Variants in SPATA9 observed in about 807,000 individuals in gnomAD.
SPATA9 encodes spermatogenesis associated 9.
Under a neutral mutation model 25.5 loss-of-function variants are expected in SPATA9, and 27 were observed. The ratio of observed to expected loss-of-function variants is 1.06; its 90% CI spans 0.78 to 1.46. SPATA9 has a LOEUF of 1.46. Ranked by LOEUF, SPATA9 falls within the 40% of genes most tolerant of loss-of-function variation. The pLI is 0.00. For synonymous variants in SPATA9, 102 were observed against 105.7 expected, an observed-to-expected ratio of 0.97 and a Z score of 0.21; for missense variants, 282 against 297.5, an observed-to-expected ratio of 0.95 and a Z score of 0.38.
intron 4 of SPATA9, among the ~76,000 whole-genome samples, chr5:95,661,386 T>C (rs1228224998): frequency 6.6e-6 from 1 of 152,112 alleles, no homozygotes; most frequent in East Asian, 1.9e-4. Context: ...AAAACCAAAA[T>C]TGTAACCTGA....
Position 95,675,504 on chromosome 5 carries a change from G to C in SPATA9, c.286C>G (p.Gln96Glu). Residue 96 changes from glutamine (Q) to glutamate (E), a missense_variant, in exon 3 of 5, where the codon CAG becomes GAG. Coordinates refer to ENST00000274432, the MANE Select transcript of SPATA9 (RefSeq NM_031952.4). Reference protein sequence around the residue: ...SKSVAKLLHPQLACRLLELRD... With the variant: ...SKSVAKLLHPELACRLLELRD... ...AGCTCTAAAAGTCTGCATGCAAGCT[G>C]AGGATGCAGAAGTTTGGCCACTGAT... 6.2e-7 allele frequency: 1 copy of C among 1,614,166 alleles called. No individual in the cohort carries two copies. Among genetic ancestry groups the C allele is most frequent in the Non-Finnish European group, 8.5e-7 (1 of 1,180,026 alleles).
chr5:95,708,669 G>A, the SPATA9 span: 2 of 696,462 alleles, frequency 2.9e-6, no homozygotes, highest in Non-Finnish European at 5.2e-6. Flanking sequence ...GGCTCCCAGA[G>A]TGTCCAAATC....
chr5:95,654,030 C>A, downstream of SPATA9: 1 of 1,590,990 alleles, frequency 6.3e-7, no homozygotes, highest in Non-Finnish European at 8.6e-7. Flanking sequence ...GTGAATACTT[C>A]TTGTAACTTT....
chr5:95,695,219 A>G (rs1333091333), intron 1 of SPATA9, among the ~76,000 whole-genome samples: 2 of 152,346 alleles, frequency 1.3e-5, no homozygotes, highest in Admixed American at 1.3e-4. Context: ...ACATATTATC[A>G]ACTCCTGAAT....
At chr5:95,668,022 A>G (rs896696930) in intron 3 of SPATA9, among the ~76,000 whole-genome samples, 1 of 152,162 alleles carries the variant, frequency 6.6e-6, no homozygotes, top group African/African-American at 2.4e-5. Flanking sequence ...GCCTCCCCAG[A>G]AGCTGATGCT....
At chr5:95,692,317 C>A (rs1360146233) in intron 1 of SPATA9, among the ~76,000 whole-genome samples, 1 of 151,954 alleles carries the variant, frequency 6.6e-6, no homozygotes, top group Non-Finnish European at 1.5e-5. Context: ...AATATTTGGT[C>A]CTGATATCTT....
chr5:95,666,177 C>G lies in SPATA9; in HGVS notation c.379-2129G>C, dbSNP rs530511786. On this transcript the variant is annotated intron_variant, in intron 3 of 4. Coordinates refer to ENST00000274432, the MANE Select transcript of SPATA9 (RefSeq NM_031952.4). ...AAAAAGAAAAGTAGGCAACTTGCCC[C>G]TGGTAATATAGCTGATAAGTAGCAA... Among the ~76,000 whole-genome samples the G allele has an allele frequency of 3.9e-5, 6 of 152,268 alleles. No individual in the cohort carries two copies. The South Asian group carries it at 1.0e-3, about 26-fold the overall frequency.
chr5:95,654,496 A>C (rs1750603267), downstream of SPATA9: 2 of 678,860 alleles, frequency 2.9e-6, no homozygotes, highest in Non-Finnish European at 5.0e-6. Context: ...TTCATAAGAT[A>C]AATGAGAAAT....
chr5:95,705,748 T>C, the SPATA9 span, among the ~76,000 whole-genome samples: 3 of 152,220 alleles, frequency 2.0e-5, no homozygotes, highest in Non-Finnish European at 4.4e-5. Flanking sequence ...CTTTTCATTT[T>C]CAATGATTAT....
chr5:95,657,919 A>G (rs1480309868), downstream of SPATA9: 2 of 141,924 alleles, frequency 1.4e-5, no homozygotes, highest in East Asian at 4.0e-4. Flanking sequence ...GAAGAAATCA[A>G]AGTACTTTCT....
Position 95,661,711 on chromosome 5 carries a change from A to C in SPATA9, c.474+2242T>G, listed in dbSNP as rs543490550. On this transcript the variant is annotated intron_variant, in intron 4 of 4. Coordinates refer to ENST00000274432, the MANE Select transcript of SPATA9 (RefSeq NM_031952.4). ...AAAATAGTTGATAAATTTAGTTTTT[A>C]AAAAACTGAATTAATATGTTTAAAA... Among the ~76,000 whole-genome samples the C allele has an allele frequency of 5.9e-5, 9 of 152,282 alleles. No individual in the cohort carries two copies. The South Asian group carries it at 1.4e-3, about 25-fold the overall frequency.
chr5:95,669,295 C>T (rs572145080), intron 3 of SPATA9, among the ~76,000 whole-genome samples: 2 of 152,088 alleles, frequency 1.3e-5, no homozygotes, highest in Non-Finnish European at 1.5e-5. Context: ...CCTCTTTCCC[C>T]GGGTCTAGAT....
chr5:95,731,998 AGCACGGTC>A, the SPATA9 span: 1 of 1,614,204 alleles, frequency 6.2e-7, no homozygotes. Flanking sequence ...GAACGCGGCC[AGCACGGTC>A]GCGCGTCCGG....
downstream of SPATA9, chr5:95,656,240 T>C: frequency 6.2e-7 from 1 of 1,613,630 alleles, no homozygotes; most frequent in Non-Finnish European, 8.5e-7. Context: ...CTCTTTCTAA[T>C]GAACCTTTTA....
chr5:95,714,306 A>G, the SPATA9 span, among the ~76,000 whole-genome samples: 1 of 152,168 alleles, frequency 6.6e-6, no homozygotes, highest in Admixed American at 6.5e-5. Context: ...AAGCCATGAG[A>G]GCAGATGAAA....
At chr5:95,695,310 A>T (rs1324635387) in intron 1 of SPATA9, among the ~76,000 whole-genome samples, 1 of 152,214 alleles carries the variant, frequency 6.6e-6, no homozygotes, top group Non-Finnish European at 1.5e-5. Context: ...TCTTAAAAAC[A>T]CGTTTGGCCA....
chr5:95,674,072 T>G (rs1752678669), intron 3 of SPATA9, among the ~76,000 whole-genome samples: 1 of 152,222 alleles, frequency 6.6e-6, no homozygotes, highest in South Asian at 2.1e-4. Context: ...GGATTAAGGC[T>G]TGTAGTTCAT....
At chr5:95,705,436 AT>A in the SPATA9 span, among the ~76,000 whole-genome samples, 28 of 152,228 alleles carry the variant, frequency 1.8e-4, no homozygotes, top group Non-Finnish European at 2.4e-4. Flanking sequence ...TGTTACTAGC[AT>A]GTCAATGACC....
intron 1 of SPATA9, among the ~76,000 whole-genome samples, chr5:95,692,405 G>C (rs188287607): frequency 6.6e-6 from 1 of 151,846 alleles, no homozygotes; most frequent in South Asian, 2.1e-4. Context: ...TTTGGGGACC[G>C]GTTTTGGTGA....
Sources: allele counts gnomAD v4.1 joint callset (sites outside exome capture counted in the v4.1 genomes callset), GRCh38; gene constraint gnomAD v4.1.1; transcripts MANE v1.5; gene names NCBI Gene and HGNC (gene_info 2026-07-23, HGNC 2026-07-21).